The following TPTE2 variants were observed in gnomAD, a reference collection of about 807,000 sequenced individuals.
TPTE2 encodes phosphatidylinositol 3,4,5-trisphosphate 3-phosphatase TPTE2.
Under a neutral mutation model 78.6 loss-of-function variants are expected in TPTE2, and 53 were observed. The observed-to-expected ratio is 0.67, with a 90% confidence interval of 0.54 to 0.85. The LOEUF (loss-of-function observed/expected upper bound fraction) is 0.85. Ranked by LOEUF, TPTE2 falls within the 40% of genes least tolerant of loss-of-function variation. The pLI, the probability that TPTE2 is intolerant of heterozygous loss-of-function variation, is 0.00. For synonymous variants in TPTE2, 175 were observed against 206.2 expected (o/e 0.85, Z 1.30); for missense variants, 461 against 623.0 (o/e 0.74, Z 2.77).
rs9582025 is a variant in TPTE2 at position 19,425,698 on chromosome 13, G to C, written c.1396-681C>G. ...TCCCCTCAGGAAACCTGCTCAGGTA[G>C]CACCTTACATCCCAATAAAGGCTTC... On this transcript the variant is annotated intron_variant, in intron 18 of 19. Coordinates refer to ENST00000400230, the Ensembl canonical transcript of TPTE2. 4,480 of 508,028 alleles carry C rather than the reference G, an allele frequency of 8.8e-3. 48 individuals carry two copies. Among genetic ancestry groups the C allele is most frequent in the African/African-American group, 0.035 (1,814 of 51,160 alleles). The allele number at this position is 508,028 out of a possible 1,614,324, so 31.5% of individuals were successfully genotyped here.
intron 3 of TPTE2, among the ~76,000 whole-genome samples, chr13:19,487,445 T>C (rs922121800): frequency 1.3e-5 from 2 of 152,050 alleles, no homozygotes; most frequent in African/African-American, 4.8e-5. Context: ...TCATAGTCAC[T>C]CTGTTGACCT....
chr13:19,545,109 A>G, the TPTE2 span, among the ~76,000 whole-genome samples: 1 of 152,212 alleles, frequency 6.6e-6, no homozygotes, highest in African/African-American at 2.4e-5. Context: ...GAAAAAGAAC[A>G]GACAAGAGAT....
upstream of TPTE2, among the ~76,000 whole-genome samples, chr13:19,505,494 C>T (rs1868950525): frequency 6.6e-6 from 1 of 152,002 alleles, no homozygotes; most frequent in Non-Finnish European, 1.5e-5. Flanking sequence ...TGCCTCTTAC[C>T]CCATCTAAAT....
intron 3 of TPTE2, among the ~76,000 whole-genome samples, chr13:19,489,754 G>A (rs1163994951): frequency 1.7e-5 from 1 of 57,166 alleles, no homozygotes; most frequent in Admixed American, 2.4e-4. Flanking sequence ...ATATATACAT[G>A]TGTGTTATAT....
chr13:19,503,364 C>T (rs1868749916), upstream of TPTE2: 2 of 1,374,694 alleles, frequency 1.5e-6, no homozygotes, highest in Non-Finnish European at 2.0e-6. Flanking sequence ...TTACTCTGCA[C>T]ATAAACCAGT....
intron 9 of TPTE2, among the ~76,000 whole-genome samples, 158 bp from the exon 13 acceptor site, chr13:19,464,678 C>A (rs1268788364): frequency 6.6e-6 from 1 of 152,172 alleles, no homozygotes; most frequent in Non-Finnish European, 1.5e-5. Flanking sequence ...AATCAAATAA[C>A]ATATTAAATT....
At chr13:19,506,338 ATT>A (rs1469990755), upstream of TPTE2, among the ~76,000 whole-genome samples, 1 of 148,680 alleles carries the variant, frequency 6.7e-6, no homozygotes, top group Non-Finnish European at 1.5e-5. Context: ...CGCCCGGCTA[ATT>A]TTTTTTGTAT....
At chr13:19,556,574 T>C in the TPTE2 span, among the ~76,000 whole-genome samples, 1 of 152,170 alleles carries the variant, frequency 6.6e-6, no homozygotes, top group Admixed American at 6.5e-5. Context: ...TTGCTTAGGA[T>C]GGAGTGTTAT....
At chr13:19,457,558 G>T (rs371506273) in intron 10 of TPTE2, among the ~76,000 whole-genome samples, 2 of 147,336 alleles carry the variant, frequency 1.4e-5, no homozygotes, top group African/African-American at 2.5e-5. Context: ...AGTGTGTGTT[G>T]TTCCCCATTG....
At chr13:19,554,802 T>TATGTGCAGAA in the TPTE2 span, among the ~76,000 whole-genome samples, 2 of 152,216 alleles carry the variant, frequency 1.3e-5, no homozygotes, top group Non-Finnish European at 2.9e-5. Flanking sequence ...CCTGAGCCTT[T>TATGTGCAGAA]ATGTGCAGAA....
intron 15 of TPTE2, among the ~76,000 whole-genome samples, chr13:19,435,518 A>G (rs1476284969): frequency 7.2e-5 from 11 of 152,142 alleles, no homozygotes; most frequent in Non-Finnish European, 1.5e-4. Context: ...TGTGATGACT[A>G]CATGAGGATA....
intron 1 of TPTE2, among the ~76,000 whole-genome samples, chr13:19,509,842 A>G (rs1302215582): frequency 1.3e-5 from 2 of 152,220 alleles, no homozygotes; most frequent in African/African-American, 2.4e-5. Flanking sequence ...TGATGATTAT[A>G]TAAACAAGGA....
At chr13:19,523,651 T>C (rs979025840) in intron 1 of TPTE2, among the ~76,000 whole-genome samples, 8 of 152,078 alleles carry the variant, frequency 5.3e-5, no homozygotes, top group African/African-American at 1.9e-4. Flanking sequence ...AAGTTTTGTA[T>C]TTTTAGTAGA....
chr13:19,446,479 A>C (rs1877843690), intron 13 of TPTE2, among the ~76,000 whole-genome samples: 1 of 152,198 alleles, frequency 6.6e-6, no homozygotes, highest in South Asian at 2.1e-4. Flanking sequence ...TTCCCCCCCA[A>C]CTTCCAATTA....
the TPTE2 span, chr13:19,560,383 C>G: frequency 6.2e-7 from 1 of 1,608,376 alleles, no homozygotes; most frequent in Non-Finnish European, 8.5e-7. Context: ...TTCCCCCAGG[C>G]CAGCTGCCCG....
intron 4 of TPTE2, among the ~76,000 whole-genome samples, chr13:19,476,405 A>G (rs1040071557): frequency 2.0e-5 from 3 of 151,384 alleles, no homozygotes; most frequent in Non-Finnish European, 4.4e-5. Flanking sequence ...GTCTTCAGGA[A>G]GTTTCTGTCA....
intron 13 of TPTE2, among the ~76,000 whole-genome samples, chr13:19,445,032 A>C (rs960433879): frequency 6.6e-6 from 1 of 152,220 alleles, no homozygotes; most frequent in South Asian, 2.1e-4. Context: ...ATGTCCTTTA[A>C]ACTCAAGGAA....
chr13:19,451,965 G>A (rs1224605458), intron 10 of TPTE2, among the ~76,000 whole-genome samples: 9 of 151,886 alleles, frequency 5.9e-5, no homozygotes, highest in South Asian at 2.1e-4. Context: ...ACACACATAC[G>A]TATATATCTC....
chr13:19,430,531 T>C, exon 17 of TPTE2: 1 of 1,611,360 alleles, frequency 6.2e-7, no homozygotes, highest in Non-Finnish European at 8.5e-7. Flanking sequence ...CTTGGACTTT[T>C]AGATCACATA....
Sources: allele counts gnomAD v4.1 joint callset (sites outside exome capture counted in the v4.1 genomes callset), GRCh38; gene constraint gnomAD v4.1.1; transcripts MANE v1.5; gene names NCBI Gene and HGNC (gene_info 2026-07-23, HGNC 2026-07-21).